Variants in ROBO2 observed in about 807,000 individuals in gnomAD.
ROBO2 encodes the protein roundabout guidance receptor 2.
Under a neutral mutation model 160.8 loss-of-function variants are expected in ROBO2, and 53 were observed. The observed-to-expected ratio is 0.33, with a 90% CI of 0.26 to 0.41. ROBO2 has a LOEUF of 0.41. Ranked by LOEUF, ROBO2 falls within the 10% of genes least tolerant of loss-of-function variation. The probability of loss-of-function intolerance (pLI) is 1.00; values close to 1 mark genes in which losing one functional copy is unlikely to be tolerated. For missense variants in ROBO2, 1,577 were observed against 1,722.4 expected, an observed-to-expected ratio of 0.92 and a Z score of 1.49; for synonymous variants, 664 against 611.7, an observed-to-expected ratio of 1.09 and a Z score of -1.26.
At chr3:77,025,735 G>A (rs988037609) in intron 2 of ROBO2, among the ~76,000 whole-genome samples, 1 of 152,108 alleles carries the variant, frequency 6.6e-6, no homozygotes, top group African/African-American at 2.4e-5. Flanking sequence ...TGGCATTTGG[G>A]GAATTACACG....
intron 2 of ROBO2, among the ~76,000 whole-genome samples, chr3:76,340,194 C>T (rs936865603): frequency 1.3e-5 from 2 of 151,770 alleles, no homozygotes; most frequent in Non-Finnish European, 2.9e-5. Context: ...AGAGCAGGAA[C>T]ACTTGAAAAA....
chr3:77,296,042 T>C (rs1156248520), intron 2 of ROBO2, among the ~76,000 whole-genome samples: 4 of 148,826 alleles, frequency 2.7e-5, no homozygotes, highest in Non-Finnish European at 5.9e-5. Flanking sequence ...TAAAGTAGAA[T>C]TGATGGTTAA....
At position 76,072,356 on chromosome 3, in the gene ROBO2, G is replaced by T. The variant is rs2068489127; in HGVS notation, c.109+134754G>T. On this transcript the variant is annotated intron_variant, in intron 2 of 26. Coordinates refer to the ROBO2 transcript ENST00000487694. ...GTCGAAACTTTTTCATATTTTACCT[G>T]CTATTTTGTGGAGAAATGTTTCAAA... 2.0e-5 allele frequency among the ~76,000 whole-genome samples: 3 copies of T among 151,866 alleles called. No individual in the cohort carries two copies. The South Asian group carries it at 6.2e-4, about 32-fold the overall frequency.
chr3:77,308,525 C>G (rs1212874002), intron 2 of ROBO2, among the ~76,000 whole-genome samples: 1 of 152,028 alleles, frequency 6.6e-6, no homozygotes, highest in Non-Finnish European at 1.5e-5. Flanking sequence ...GCAGGAGAAA[C>G]AGAGGAGCAT....
intron 2 of ROBO2, among the ~76,000 whole-genome samples, chr3:76,409,878 CAT>C (rs762825622): frequency 2.6e-5 from 4 of 152,098 alleles, no homozygotes; most frequent in Non-Finnish European, 4.4e-5. Flanking sequence ...TCAGTGAAGA[CAT>C]ATGATAGAGT....
intron 1 of ROBO2, among the ~76,000 whole-genome samples, chr3:77,057,300 G>C (rs949515762): frequency 1.3e-5 from 2 of 152,056 alleles, no homozygotes; most frequent in African/African-American, 4.8e-5. Flanking sequence ...ATCACACACT[G>C]GGGCCTGTCA....
intron 2 of ROBO2, among the ~76,000 whole-genome samples, chr3:76,069,212 T>C (rs1013042672): frequency 6.6e-6 from 1 of 152,214 alleles, no homozygotes; most frequent in Admixed American, 6.5e-5. Flanking sequence ...AAGGTTATTA[T>C]TTGCAAAATT....
intron 2 of ROBO2, among the ~76,000 whole-genome samples, chr3:76,502,321 T>C (rs927719171): frequency 1.3e-5 from 2 of 152,218 alleles, no homozygotes; most frequent in East Asian, 1.9e-4. Context: ...TTGACTGTTA[T>C]GTCACCCAAT....
chr3:76,626,521 A>G (rs998663148), intron 2 of ROBO2, among the ~76,000 whole-genome samples: 10 of 152,176 alleles, frequency 6.6e-5, no homozygotes, highest in African/African-American at 2.2e-4. Flanking sequence ...TATTTTGTGG[A>G]AGGAGTGATC....
chr3:77,607,718 C>T, intron 20 of ROBO2, 80 bp from the exon 22 acceptor site: 1 of 1,293,182 alleles, frequency 7.7e-7, no homozygotes, highest in Non-Finnish European at 1.1e-6. Flanking sequence ...TGTTTTGAAA[C>T]ATAAATACAC....
chr3:77,236,609 G>T (rs2088024528), intron 2 of ROBO2, among the ~76,000 whole-genome samples: 1 of 152,094 alleles, frequency 6.6e-6, no homozygotes, highest in Non-Finnish European at 1.5e-5. Context: ...TATGGACTTG[G>T]ATAAATGCAT....
chr3:77,313,916 A>G (rs113090292), intron 2 of ROBO2, among the ~76,000 whole-genome samples: 1 of 152,136 alleles, frequency 6.6e-6, no homozygotes, highest in Non-Finnish European at 1.5e-5. Context: ...ATTTATTTTT[A>G]AAAAAGGTCT....
chr3:76,641,497 T>C (rs897310449), intron 2 of ROBO2, among the ~76,000 whole-genome samples: 2 of 152,028 alleles, frequency 1.3e-5, no homozygotes, highest in African/African-American at 2.4e-5. Context: ...ACATAGATCA[T>C]GAAGGACAAG....
At chr3:76,372,041 C>T (rs1209631288) in intron 2 of ROBO2, among the ~76,000 whole-genome samples, 2 of 151,754 alleles carry the variant, frequency 1.3e-5, no homozygotes, top group Admixed American at 6.6e-5. Flanking sequence ...TAACTGGCAT[C>T]AATTTCTTTC....
intron 2 of ROBO2, among the ~76,000 whole-genome samples, chr3:77,027,688 G>T (rs1452959672): frequency 1.3e-5 from 2 of 152,108 alleles, no homozygotes; most frequent in Non-Finnish European, 2.9e-5. Context: ...CCAGCTGTCG[G>T]ACCGTGGAGG....
chr3:76,366,179 T>C (rs968102220), intron 2 of ROBO2, among the ~76,000 whole-genome samples: 2 of 152,064 alleles, frequency 1.3e-5, no homozygotes, highest in Admixed American at 1.3e-4. Flanking sequence ...CACTCTGCTC[T>C]TCCCAACAGT....
At chr3:77,382,277 C>T (rs2073578522) in intron 2 of ROBO2, among the ~76,000 whole-genome samples, 1 of 150,126 alleles carries the variant, frequency 6.7e-6, no homozygotes, top group Non-Finnish European at 1.5e-5. Flanking sequence ...TTTGATAGGC[C>T]CTGTAAAAAA....
At chr3:77,166,658 C>T (rs554199432) in intron 2 of ROBO2, among the ~76,000 whole-genome samples, 5 of 152,182 alleles carry the variant, frequency 3.3e-5, no homozygotes, top group South Asian at 4.2e-4. Context: ...TCCCGGGTTC[C>T]CGCCATTCTC....
intron 2 of ROBO2, among the ~76,000 whole-genome samples, chr3:76,168,704 C>T (rs1003404859): frequency 5.3e-5 from 8 of 152,038 alleles, no homozygotes; most frequent in African/African-American, 9.6e-5. Context: ...TAACTAAAAA[C>T]GTAGTAGTAT....
Sources: allele counts gnomAD v4.1 joint callset (sites outside exome capture counted in the v4.1 genomes callset), GRCh38; gene constraint gnomAD v4.1.1; transcripts MANE v1.5; gene names NCBI Gene and HGNC (gene_info 2026-07-23, HGNC 2026-07-21).